The following RFXAP variants were observed in gnomAD, a reference collection of about 807,000 sequenced individuals.
The protein encoded by RFXAP is regulatory factor X associated protein.
In RFXAP, 21 loss-of-function variants were observed where a neutral mutation model predicts 25.7. That is an observed-to-expected ratio of 0.82 (90% CI 0.58 to 1.18). RFXAP has a LOEUF of 1.18. Among genes scored for constraint, RFXAP ranks in the 50% most tolerant of loss-of-function variants. The pLI is 0.00. For synonymous variants in RFXAP, 161 were observed against 152.2 expected, an observed-to-expected ratio of 1.06 and a Z score of -0.43; for missense variants, 333 against 363.0, an observed-to-expected ratio of 0.92 and a Z score of 0.67.
intron 1 of RFXAP, among the ~76,000 whole-genome samples, chr13:36,822,916 T>C (rs780081158): frequency 1.3e-5 from 2 of 152,226 alleles, no homozygotes; most frequent in Admixed American, 6.5e-5. Context: ...AGTCCGGTTT[T>C]AGTAGTTCAG....
rs1430535691 is a variant in RFXAP, at chr13:36,828,721, G to A, written c.*968G>A. ...TATTTTGTCATTGTTTTTCGCAATT[G>A]AGCTATCTGAAAACTGTTATTCCTA... On this transcript the variant is annotated 3_prime_UTR_variant, in exon 3 of 3. Transcript: ENST00000255476. The A allele has an allele frequency of 6.6e-6, 1 of 152,112 alleles. No individual in the cohort carries two copies. Among genetic ancestry groups the A allele is most frequent in the East Asian group, 1.9e-4 (1 of 5,200 alleles). 9.4% of individuals were successfully genotyped at this position (152,112 alleles called of 1,614,324 possible).
chr13:36,822,092 T>C (rs1045793780), intron 1 of RFXAP, among the ~76,000 whole-genome samples: 1 of 151,660 alleles, frequency 6.6e-6, no homozygotes, highest in East Asian at 1.9e-4. Flanking sequence ...CTTTTTTTCT[T>C]TCTTTTTTTT....
At position 36,819,222 on chromosome 13, in the gene RFXAP, A is replaced by C. The variant is rs1756046582; in HGVS notation, c.-136A>C. On this transcript the variant is annotated 5_prime_UTR_variant, in exon 1 of 3. Transcript: ENST00000255476. The stretch of plus-strand genomic sequence containing the variant: ...GCTGACGCGCAGGCTGCGGTCGCGC[A>C]GGCGCAGTCGGGGCGCCTTCCCGGT... 11 of 901,376 alleles carry C rather than the reference A, an allele frequency of 1.2e-5. No individual in the cohort carries two copies. The highest frequency in any genetic ancestry group is 1.7e-5 in the African/African-American group (1 of 57,518). 55.8% of individuals were successfully genotyped at this position (901,376 alleles called of 1,614,324 possible).
At chr13:36,827,334 C>G (rs1163681892) in intron 2 of RFXAP, among the ~76,000 whole-genome samples, 1 of 151,876 alleles carries the variant, frequency 6.6e-6, no homozygotes, top group Non-Finnish European at 1.5e-5. Flanking sequence ...ACTTTTAGCT[C>G]TTTGTTCTTA....
intron 1 of RFXAP, among the ~76,000 whole-genome samples, chr13:36,823,293 A>C (rs1281069725): frequency 6.6e-6 from 1 of 152,262 alleles, no homozygotes; most frequent in East Asian, 1.9e-4. Context: ...ATTTTAGTAA[A>C]GAAAGAGAAG....
At chr13:36,822,065 G>C (rs1340206104) in intron 1 of RFXAP, among the ~76,000 whole-genome samples, 2 of 151,966 alleles carry the variant, frequency 1.3e-5, no homozygotes, top group African/African-American at 4.8e-5. Context: ...ATTCTTTAGA[G>C]AGGGAGAAAA....
intron 1 of RFXAP, among the ~76,000 whole-genome samples, chr13:36,822,169 C>A (rs939593639): frequency 6.6e-6 from 1 of 151,804 alleles, no homozygotes; most frequent in South Asian, 2.1e-4. Flanking sequence ...CGGCCCACTA[C>A]AACCTCCACC....
rs574940689 is a variant in RFXAP at position 36,825,644 on chromosome 13, A to G, written c.708+109A>G. 3 of 663,354 alleles carry G rather than the reference A, an allele frequency of 4.5e-6. No individual in the cohort carries two copies. The African/African-American group carries it at 5.5e-5, about 12-fold the overall frequency. The allele number at this position is 663,354 out of a possible 1,614,324, so 41.1% of individuals were successfully genotyped here. A position where few individuals can be genotyped will look rare whatever the true frequency, so the allele number is the denominator to read the frequency against. The stretch of plus-strand genomic sequence containing the variant: ...AGCTCATGACATCACACTATACATC[A>G]AAATAAATTCCTAATAAGTCAAAAT... On this transcript the variant is annotated intron_variant, in intron 2 of 2. Coordinates refer to ENST00000255476, the MANE Select transcript of RFXAP (RefSeq NM_000538.4).
In RFXAP at chr13:36,819,958, G is replaced by GT; in HGVS notation, c.600+2dup. On this transcript the variant is annotated splice_donor_variant, in intron 1 of 2. Transcript: ENST00000255476. LOFTEE classifies it high-confidence loss of function. ...CAGCGCGGGAAACGTCAAACTCGAGGTATCAGACTTAGCTGAGGCCTGGGG... is the reference window on the plus strand; with the variant it reads ...CAGCGCGGGAAACGTCAAACTCGAGGTTATCAGACTTAGCTGAGGCCTGGGG... 1 of 1,613,674 alleles carries GT rather than the reference G, an allele frequency of 6.2e-7. No individual in the cohort carries two copies. The highest frequency in any genetic ancestry group is 8.5e-7 in the Non-Finnish European group (1 of 1,179,868).
At chr13:36,826,443 C>T (rs910748472) in intron 2 of RFXAP, among the ~76,000 whole-genome samples, 9 of 124,594 alleles carry the variant, frequency 7.2e-5, no homozygotes, top group African/African-American at 2.7e-4. Context: ...TGGAGACTTT[C>T]ATGAAATGGA....
At chr13:36,822,376 G>A (rs908770003) in intron 1 of RFXAP, among the ~76,000 whole-genome samples, 3 of 151,818 alleles carry the variant, frequency 2.0e-5, no homozygotes, top group African/African-American at 7.3e-5. Flanking sequence ...CCACCACGCC[G>A]GCCTAATAAT....
chr13:36,822,076 A>G (rs1362145347), intron 1 of RFXAP, among the ~76,000 whole-genome samples: 1 of 151,850 alleles, frequency 6.6e-6, no homozygotes, highest in Non-Finnish European at 1.5e-5. Context: ...AGGGAGAAAA[A>G]TAATACTTTT....
rs1327772277 is a variant in RFXAP, at chr13:36,828,121, A to C, written c.*368A>C. 4 of 223,208 alleles carry C rather than the reference A, an allele frequency of 1.8e-5. No homozygotes were observed. The highest frequency in any genetic ancestry group is 4.7e-5 in the African/African-American group (2 of 42,474). The allele number at this position is 223,208 out of a possible 1,614,324, so 13.8% of individuals were successfully genotyped here. A position where few individuals can be genotyped will look rare whatever the true frequency, so the allele number is the denominator to read the frequency against. On this transcript the variant is annotated 3_prime_UTR_variant, in exon 3 of 3. Transcript: ENST00000255476. ...GCTCAGTGGTTCTCATCAAGGGTCA[A>C]TTTGATTGTCATAGTGACCTTGAAA... is the stretch of plus-strand genomic sequence containing the variant.
At position 36,827,686 on chromosome 13, in the gene RFXAP, A is replaced by T; in HGVS notation, c.752A>T (p.Gln251Leu). ...SPEVVQFLQK[Q>L]QQLLNQQVLE... Reference sequence around the variant, plus strand: ...GAAGTAGTGCAATTTTTACAGAAACAGCAACAGCTATTAAATCAGCAAGTT... The same window carrying T: ...GAAGTAGTGCAATTTTTACAGAAACTGCAACAGCTATTAAATCAGCAAGTT... Residue 251 changes from glutamine (Q) to leucine (L), a missense_variant, in exon 3 of 3, where the codon CAG becomes CTG. By Grantham distance (113) the Gln-to-Leu change is moderately radical. Transcript: ENST00000255476. The T allele has an allele frequency of 6.2e-7, 1 of 1,613,834 alleles. No homozygotes were observed. The highest frequency in any genetic ancestry group is 1.1e-5 in the South Asian group (1 of 91,060).
At chr13:36,822,272 G>T (rs999997590) in intron 1 of RFXAP, among the ~76,000 whole-genome samples, 1 of 151,808 alleles carries the variant, frequency 6.6e-6, no homozygotes, top group Non-Finnish European at 1.5e-5. Context: ...TGTATTTTTA[G>T]TAGAGACGCG....
intron 2 of RFXAP, 102 bp from the exon 3 acceptor site, chr13:36,827,541 A>G (rs929817001): frequency 2.4e-6 from 2 of 832,064 alleles, no homozygotes; most frequent in Non-Finnish European, 3.9e-6. Context: ...ATTCTTGTGA[A>G]CATATTGTAT....
Position 36,825,450 on chromosome 13 carries a change from C to A in RFXAP, c.623C>A (p.Ser208Tyr). 2 of 1,612,538 alleles carry A rather than the reference C, an allele frequency of 1.2e-6. No homozygotes were observed. Among genetic ancestry groups the A allele is most frequent in the Non-Finnish European group, 1.7e-6 (2 of 1,179,162 alleles). ...CAGGAAAGTGCAGATAACATACTCT[C>A]CATTGTTAAACAAAGAACAGGATCT... ...KLEESADNIL[S>Y]IVKQRTGSFG... Residue 208 changes from serine to tyrosine, a missense_variant, in exon 2 of 3, where the codon TCC (serine) becomes TAC (tyrosine). Physicochemically the swap from Ser to Tyr is moderately radical, Grantham distance 144 (BLOSUM62 -2). Transcript: ENST00000255476.
At chr13:36,824,870 C>A (rs1319330451) in intron 1 of RFXAP, among the ~76,000 whole-genome samples, 1 of 152,088 alleles carries the variant, frequency 6.6e-6, no homozygotes, top group South Asian at 2.1e-4. Context: ...ATTTTGAAAG[C>A]TTTGGTTATC....
At chr13:36,826,534 C>T (rs1214841995) in intron 2 of RFXAP, among the ~76,000 whole-genome samples, 1 of 152,104 alleles carries the variant, frequency 6.6e-6, no homozygotes, top group African/African-American at 2.4e-5. Flanking sequence ...AGGAGTCATC[C>T]CTTTCAACTC....
Sources: gnomAD v4.1 joint callset for allele counts (sites outside exome capture counted in the v4.1 genomes callset) on GRCh38, gnomAD v4.1.1 for gene constraint, MANE v1.5 for transcripts, NCBI Gene and HGNC (gene_info 2026-07-23, HGNC 2026-07-21) for gene names.